Variants in SNX8 observed in about 807,000 individuals in gnomAD.
The protein encoded by SNX8 is sorting nexin-8.
SNX8 carries 25 observed loss-of-function variants against 51.6 expected under a neutral mutation model. The ratio of observed to expected loss-of-function variants is 0.48; its 90% CI spans 0.35 to 0.68. The LOEUF is 0.68. Among genes scored for constraint, SNX8 ranks in the 30% least tolerant of loss-of-function variants. The pLI, the probability that SNX8 is intolerant of heterozygous loss-of-function variation, is 0.00. For missense variants in SNX8, 695 were observed against 624.0 expected (o/e 1.11, Z -1.21); for synonymous variants, 324 against 277.0 (o/e 1.17, Z -1.68).
At chr7:2,277,722 G>A (rs1225883528) in intron 2 of SNX8, among the ~76,000 whole-genome samples, 18 of 151,916 alleles carry the variant, frequency 1.2e-4, no homozygotes, top group South Asian at 2.1e-4. Context: ...CAGGAGAATC[G>A]CTTGAACCCG....
chr7:2,258,853 G>C (rs915874167), intron 7 of SNX8, among the ~76,000 whole-genome samples: 4 of 152,196 alleles, frequency 2.6e-5, no homozygotes, highest in Admixed American at 6.5e-5. Flanking sequence ...TGAGTGCACA[G>C]CAAACGGCGG....
At chr7:2,335,713 G>T (rs188401684) in intron 1 of SNX8, among the ~76,000 whole-genome samples, 1,519 of 147,940 alleles carry the variant, frequency 0.01, 3 homozygotes, top group Non-Finnish European at 0.016. Flanking sequence ...TGAGGCAGGC[G>T]AATGGCGTGA....
chr7:2,305,418 C>T (rs554722886), intron 1 of SNX8, among the ~76,000 whole-genome samples: 1 of 152,258 alleles, frequency 6.6e-6, no homozygotes, highest in East Asian at 1.9e-4. Flanking sequence ...GGCTTGAGTG[C>T]AGTGGTGCAA....
intron 1 of SNX8, among the ~76,000 whole-genome samples, chr7:2,285,672 A>AT (rs201638457): frequency 0.04 from 6,024 of 151,654 alleles, 274 homozygotes; most frequent in African/African-American, 0.1. Context: ...TTCTTTTTCT[A>AT]TTTTTTTTAT....
Position 2,278,331 on chromosome 7 carries a change from G to C in SNX8, c.95-26C>G, listed in dbSNP as rs560213151. On this transcript the variant is annotated intron_variant, in intron 1 of 10. Coordinates refer to ENST00000222990, the MANE Select transcript of SNX8 (RefSeq NM_013321.4). ...CTGCAGGGGAGATGGTGAATGACCA[G>C]TGAGAATAGCTGCTCAAAAGCTGGA... 138 of 1,402,428 alleles carry C rather than the reference G, an allele frequency of 9.8e-5. 2 individuals carry two copies. The South Asian group carries it at 1.6e-3, about 17-fold the overall frequency. The allele number at this position is 1,402,428 out of a possible 1,614,324, so 86.9% of individuals were successfully genotyped here.
At chr7:2,350,314 C>G (rs1053626598) in intron 1 of SNX8, among the ~76,000 whole-genome samples, 2 of 152,186 alleles carry the variant, frequency 1.3e-5, no homozygotes, top group Non-Finnish European at 2.9e-5. Flanking sequence ...CGGGCTCAGG[C>G]AGCCTCTCTC....
At chr7:2,348,681 G>A (rs1176718021) in intron 1 of SNX8, among the ~76,000 whole-genome samples, 2 of 151,260 alleles carry the variant, frequency 1.3e-5, no homozygotes, top group South Asian at 2.1e-4. Flanking sequence ...GGCCAGGCGC[G>A]GTGGCTCACA....
chr7:2,305,787 T>TA (rs917777268), intron 1 of SNX8, among the ~76,000 whole-genome samples: 11 of 151,874 alleles, frequency 7.2e-5, no homozygotes, highest in Non-Finnish European at 1.3e-4. Flanking sequence ...GGCCAAGAAT[T>TA]AAAGACAGCC....
chr7:2,350,355 G>A (rs554323248), intron 1 of SNX8, among the ~76,000 whole-genome samples: 21 of 152,274 alleles, frequency 1.4e-4, no homozygotes, highest in South Asian at 1.0e-3. Flanking sequence ...CCAAGGGGCC[G>A]TGTGGCGGAA....
chr7:2,302,557 C>G (rs1251699306), intron 1 of SNX8, among the ~76,000 whole-genome samples: 4 of 151,048 alleles, frequency 2.6e-5, no homozygotes, highest in Admixed American at 2.0e-4. Context: ...CTCTGCCTGG[C>G]CGCCCATCGT....
In SNX8 at chr7:2,273,487, C is replaced by G. The variant is rs1170448342; in HGVS notation, c.419-1516G>C. On this transcript the variant is annotated intron_variant, in intron 3 of 10. Transcript: ENST00000222990. ...TGTAGTCCCAGCTACTTGGGAGACT[C>G]AGGCAGGAGAATGGCGTGAACCCGG... Among the ~76,000 whole-genome samples, 12 of 144,528 alleles carry G rather than the reference C, an allele frequency of 8.3e-5. No homozygotes were observed. In the East Asian group the frequency reaches 8.6e-4, roughly 10 times the overall value. The allele number at this position is 144,528 out of a possible 152,430, so 94.8% of individuals were successfully genotyped here. A position where few individuals can be genotyped will look rare whatever the true frequency, so the allele number is the denominator to read the frequency against.
At position 2,269,556 on chromosome 7, in the gene SNX8, T is replaced by C; in HGVS notation, c.621+3A>G. ...AAAAAAAAGAAAAAAAAAAGAAAAA[T>C]ACCTTGGCCCTGGTAGCCAGCTTAC... On this transcript the variant is annotated splice_donor_region_variant and intron_variant, in intron 5 of 10. Coordinates refer to ENST00000222990, the MANE Select transcript of SNX8 (RefSeq NM_013321.4). 7.2e-7 allele frequency: 1 copy of C among 1,388,152 alleles called. No homozygotes were observed. The allele number at this position is 1,388,152 out of a possible 1,614,324, so 86.0% of individuals were successfully genotyped here. A position where few individuals can be genotyped will look rare whatever the true frequency, so the allele number is the denominator to read the frequency against.
At position 2,286,708 on chromosome 7, in the gene SNX8, T is replaced by TG. The variant is rs568221230; in HGVS notation, c.95-8404dup. The stretch of plus-strand genomic sequence containing the variant: ...TAATTTTTTGTATTTTTAGTAGAGA[T>TG]GGGGTTTCACCATGTTAGCCAGGAT... On this transcript the variant is annotated intron_variant, in intron 1 of 10. Coordinates refer to ENST00000222990, the MANE Select transcript of SNX8 (RefSeq NM_013321.4). Among the ~76,000 whole-genome samples, 546 of 151,546 alleles carry TG rather than the reference T, an allele frequency of 3.6e-3. 6 individuals carry two copies. The highest frequency in any genetic ancestry group is 0.017 in the Middle Eastern group (5 of 290).
At position 2,256,932 on chromosome 7, in the gene SNX8, G is replaced by T. The variant is rs1795198317; in HGVS notation, c.1226C>A (p.Pro409His). The T allele has an allele frequency of 1.2e-6, 2 of 1,613,756 alleles. No homozygotes were observed. The highest frequency in any genetic ancestry group is 1.7e-6 in the Non-Finnish European group (2 of 1,179,882). Reference sequence around the variant, plus strand: ...GGCGCGGAGGATGTGGGAGGTGAGGGGCAGGTAGACGTGGATGAGCTGCGT... The same window carrying T: ...GGCGCGGAGGATGTGGGAGGTGAGGTGCAGGTAGACGTGGATGAGCTGCGT... Reference protein sequence around the residue: ...QETQLIHVYLPLTSHILRAFV... With the variant: ...QETQLIHVYLHLTSHILRAFV... Residue 409 changes from proline (P) to histidine (H), a missense_variant, in exon 10 of 11, where the codon CCC becomes CAC. Transcript: ENST00000222990.
In SNX8 at chr7:2,264,209, C is replaced by T. The variant is rs141438392; in HGVS notation, c.782+89G>A. On this transcript the variant is annotated intron_variant, in intron 6 of 10. Transcript: ENST00000222990. ...AAACAGGTCAGGATGCTGGTTATTA[C>T]GGTAAACGCACTTTCCGCCCAAGCC... 326 of 1,313,054 alleles carry T rather than the reference C, an allele frequency of 2.5e-4. 2 individuals carry two copies. In the African/African-American group the frequency reaches 4.2e-3, roughly 17 times the overall value. The allele number at this position is 1,313,054 out of a possible 1,614,324, so 81.3% of individuals were successfully genotyped here. A position where few individuals can be genotyped will look rare whatever the true frequency, so the allele number is the denominator to read the frequency against.
At chr7:2,273,331 T>C (rs1584686645) in intron 3 of SNX8, among the ~76,000 whole-genome samples, 1 of 151,426 alleles carries the variant, frequency 6.6e-6, no homozygotes. Flanking sequence ...ACACCTGTAA[T>C]CCCAGCACTT....
chr7:2,302,974 G>A (rs930132524), intron 1 of SNX8, among the ~76,000 whole-genome samples: 7 of 151,438 alleles, frequency 4.6e-5, no homozygotes, highest in African/African-American at 7.3e-5. Context: ...AGTGAGGAGC[G>A]TCTCCGCCCG....
intron 1 of SNX8, among the ~76,000 whole-genome samples, chr7:2,340,126 G>A (rs1055333481): frequency 2.0e-5 from 3 of 151,060 alleles, no homozygotes; most frequent in Non-Finnish European, 4.4e-5. Context: ...GCAATGGCAC[G>A]ATCTCAGCTC....
At chr7:2,296,704 G>C (rs1796279692) in intron 1 of SNX8, among the ~76,000 whole-genome samples, 1 of 151,902 alleles carries the variant, frequency 6.6e-6, no homozygotes, top group Admixed American at 6.6e-5. Context: ...GCCGAGGCGG[G>C]TGGATCACCT....
Sources: gnomAD v4.1 joint callset for allele counts (sites outside exome capture counted in the v4.1 genomes callset) on GRCh38, gnomAD v4.1.1 for gene constraint, MANE v1.5 for transcripts, NCBI Gene and HGNC (gene_info 2026-07-23, HGNC 2026-07-21) for gene names.